The following SEMA3E variants were observed in gnomAD, a reference collection of about 807,000 sequenced individuals.
SEMA3E encodes semaphorin-3E.
A neutral mutation model predicts 93.6 loss-of-function variants in SEMA3E; 49 were observed. The observed-to-expected ratio is 0.52, with a 90% CI of 0.42 to 0.66. The LOEUF (loss-of-function observed/expected upper bound fraction) is 0.66, where lower values mean the gene tolerates loss of function less well. Ranked by LOEUF, SEMA3E falls within the 30% of genes least tolerant of loss-of-function variation. SEMA3E has a pLI of 0.00. For missense variants in SEMA3E, 906 were observed against 964.8 expected (o/e 0.94, Z 0.81); for synonymous variants, 363 against 330.7 (o/e 1.10, Z -1.06).
At chr7:83,566,163 ATTT>A (rs1231214789) in intron 1 of SEMA3E, among the ~76,000 whole-genome samples, 1 of 128,688 alleles carries the variant, frequency 7.8e-6, no homozygotes, top group Non-Finnish European at 1.7e-5. Context: ...ACACCTGGCT[ATTT>A]TTTTTTTTTT....
At chr7:83,623,544 T>C (rs1049823945) in intron 1 of SEMA3E, among the ~76,000 whole-genome samples, 1 of 152,148 alleles carries the variant, frequency 6.6e-6, no homozygotes, top group Non-Finnish European at 1.5e-5. Context: ...TTGTACTTTC[T>C]TCTAATTTAT....
At chr7:83,381,739 T>C (rs1432056633) in intron 16 of SEMA3E, among the ~76,000 whole-genome samples, 1 of 152,038 alleles carries the variant, frequency 6.6e-6, no homozygotes, top group Non-Finnish European at 1.5e-5. Context: ...GAGTACTCTG[T>C]ATTTTATATC....
intron 1 of SEMA3E, among the ~76,000 whole-genome samples, chr7:83,594,435 T>G (rs1022806356): frequency 1.6e-4 from 24 of 152,086 alleles, no homozygotes; most frequent in African/African-American, 5.8e-4. Context: ...AGGAAACAAG[T>G]GGAAAAGGAT....
intron 1 of SEMA3E, among the ~76,000 whole-genome samples, chr7:83,585,398 G>A (rs1481524267): frequency 6.6e-6 from 1 of 152,152 alleles, no homozygotes. Flanking sequence ...TGTTTTATCA[G>A]TATATCCTGA....
intron 5 of SEMA3E, among the ~76,000 whole-genome samples, chr7:83,413,615 G>C (rs113207638): frequency 6.6e-6 from 1 of 152,144 alleles, no homozygotes; most frequent in Non-Finnish European, 1.5e-5. Flanking sequence ...ATTCTGCTTA[G>C]GATGCTGAAA....
intron 4 of SEMA3E, among the ~76,000 whole-genome samples, chr7:83,424,172 G>A (rs1788725026): frequency 6.6e-6 from 1 of 152,074 alleles, no homozygotes; most frequent in Admixed American, 6.5e-5. Context: ...AAAAAGGGTA[G>A]ACAACGTCAG....
At chr7:83,476,824 G>A (rs1288144753) in intron 2 of SEMA3E, among the ~76,000 whole-genome samples, 1 of 151,916 alleles carries the variant, frequency 6.6e-6, no homozygotes, top group Non-Finnish European at 1.5e-5. Flanking sequence ...TAAACAACAG[G>A]GTATAATGTG....
rs1794630918 is a variant in SEMA3E, at chr7:83,364,151, C to A, written c.*3435G>T. The A allele has an allele frequency of 6.6e-6, 1 of 151,936 alleles. No homozygotes were observed. The highest frequency in any genetic ancestry group is 2.4e-5 in the African/African-American group (1 of 41,350). 9.4% of individuals were successfully genotyped at this position (151,936 alleles called of 1,614,324 possible). On this transcript the variant is annotated 3_prime_UTR_variant, in exon 17 of 17. Coordinates refer to ENST00000643230, the MANE Select transcript of SEMA3E (RefSeq NM_012431.3). The stretch of plus-strand genomic sequence containing the variant: ...CCTCATGATCCACCCGCCTCGGCCT[C>A]CCAAAGTGCTGGGATTACAGGCGTG...
intron 4 of SEMA3E, among the ~76,000 whole-genome samples, chr7:83,447,364 G>A (rs984622177): frequency 1.4e-4 from 22 of 152,060 alleles, no homozygotes; most frequent in East Asian, 7.8e-4. Context: ...GTGAAACCCC[G>A]TCTCTACTAA....
chr7:83,456,423 C>T (rs145237768), intron 4 of SEMA3E, among the ~76,000 whole-genome samples: 146 of 151,962 alleles, frequency 9.6e-4, no homozygotes, highest in African/African-American at 3.4e-3. Flanking sequence ...CCATGAAATC[C>T]CCCCATAAAA....
chr7:83,454,300 GT>G (rs1473846865), intron 4 of SEMA3E, among the ~76,000 whole-genome samples: 31 of 131,526 alleles, frequency 2.4e-4, no homozygotes, highest in Non-Finnish European at 2.8e-4. Flanking sequence ...TATATATAAT[GT>G]GTGTATATAT....
At chr7:83,492,504 T>C (rs1379122574) in intron 1 of SEMA3E, among the ~76,000 whole-genome samples, 2 of 152,036 alleles carry the variant, frequency 1.3e-5, no homozygotes, top group African/African-American at 4.8e-5. Context: ...AAACTAATTA[T>C]TGAATCATCA....
At chr7:83,449,846 G>A (rs1000917540) in intron 4 of SEMA3E, among the ~76,000 whole-genome samples, 3 of 152,008 alleles carry the variant, frequency 2.0e-5, no homozygotes, top group African/African-American at 7.2e-5. Context: ...AGCACAGAAG[G>A]GGGCCATAAA....
At chr7:83,418,014 A>G (rs981891293) in intron 5 of SEMA3E, among the ~76,000 whole-genome samples, 1 of 152,216 alleles carries the variant, frequency 6.6e-6, no homozygotes, top group African/African-American at 2.4e-5. Context: ...AAAGTTCTCT[A>G]AAGTCACAAA....
rs200173791 is a variant in SEMA3E at position 83,619,904 on chromosome 7, C to T, written c.115+28524G>A. ...GATAGATGATAGATAGATAGATAGA[C>T]AGATAGATAGATAGATAGACAGATA... is the stretch of plus-strand genomic sequence containing the variant. On this transcript the variant is annotated intron_variant, in intron 1 of 16. Coordinates refer to ENST00000643230, the MANE Select transcript of SEMA3E (RefSeq NM_012431.3). Among the ~76,000 whole-genome samples the T allele has an allele frequency of 1.2e-3, 183 of 148,142 alleles. 2 individuals carry two copies. Among genetic ancestry groups the T allele is most frequent in the African/African-American group, 2.0e-3 (80 of 39,224 alleles).
intron 2 of SEMA3E, among the ~76,000 whole-genome samples, chr7:83,486,353 AT>A: frequency 6.6e-6 from 1 of 152,286 alleles, no homozygotes; most frequent in East Asian, 1.9e-4. Context: ...TTAACTATGC[AT>A]TATCCAAGAT....
chr7:83,634,664 G>A (rs1249570099), intron 1 of SEMA3E, among the ~76,000 whole-genome samples: 1 of 151,634 alleles, frequency 6.6e-6, no homozygotes, highest in African/African-American at 2.4e-5. Context: ...TTGCTTTGGG[G>A]AATTACAAGG....
At chr7:83,536,036 C>G (rs1438747654) in intron 1 of SEMA3E, among the ~76,000 whole-genome samples, 1 of 152,140 alleles carries the variant, frequency 6.6e-6, no homozygotes, top group Non-Finnish European at 1.5e-5. Context: ...ATGATGGAAT[C>G]TGCTGTTTTT....
chr7:83,618,918 C>T (rs183298985), intron 1 of SEMA3E, among the ~76,000 whole-genome samples: 1 of 151,954 alleles, frequency 6.6e-6, no homozygotes, highest in East Asian at 1.9e-4. Flanking sequence ...TACACACATG[C>T]ACACACATGT....
Sources: gnomAD v4.1 joint callset for allele counts (sites outside exome capture counted in the v4.1 genomes callset) on GRCh38, gnomAD v4.1.1 for gene constraint, MANE v1.5 for transcripts, NCBI Gene and HGNC (gene_info 2026-07-23, HGNC 2026-07-21) for gene names.